Variants in PCSK5 observed in about 807,000 individuals in gnomAD.
PCSK5 encodes proprotein convertase subtilisin/kexin type 5, also known as prohormone convertase 5.
A neutral mutation model predicts 233.2 loss-of-function variants in PCSK5; 129 were observed. The observed-to-expected ratio is 0.55, with a 90% CI of 0.48 to 0.64. The LOEUF (loss-of-function observed/expected upper bound fraction) is 0.64. PCSK5 is among the 30% of genes least tolerant of loss of function. The pLI, the probability that PCSK5 is intolerant of heterozygous loss-of-function variation, is 0.00. For synonymous variants in PCSK5, 825 were observed against 879.2 expected, an observed-to-expected ratio of 0.94 and a Z score of 1.09; for missense variants, 2,076 against 2,430.1, an observed-to-expected ratio of 0.85 and a Z score of 3.06.
At chr9:76,357,312 T>C (rs1418332127) in intron 37 of PCSK5, among the ~76,000 whole-genome samples, 1 of 152,110 alleles carries the variant, frequency 6.6e-6, no homozygotes, top group Admixed American at 6.6e-5. Flanking sequence ...AGGTCAGGAA[T>C]TCAAGACCAG....
rs113886773 is a variant in PCSK5, at chr9:76,234,300, G to T, written c.2866+704G>T. Among the ~76,000 whole-genome samples the T allele has an allele frequency of 5.3e-3, 813 of 152,140 alleles. 4 individuals are homozygous for T. Among genetic ancestry groups the T allele is most frequent in the Middle Eastern group, 0.014 (4 of 294 alleles). ...TTTAATGTCTCTTGAAAATTCAAAA[G>T]ATCTGCCAACACTGGACCTGCATTT... On this transcript the variant is annotated intron_variant, in intron 22 of 37. Coordinates refer to ENST00000674117, the MANE Select transcript of PCSK5 (RefSeq NM_001372043.1).
chr9:76,298,961 A>G lies in PCSK5; in HGVS notation c.3523+2096A>G, dbSNP rs1402116904. Among the ~76,000 whole-genome samples, 3 of 152,354 alleles carry G rather than the reference A, an allele frequency of 2.0e-5. No homozygotes were observed. In the South Asian group the frequency reaches 6.2e-4, roughly 32 times the overall value. On this transcript the variant is annotated intron_variant, in intron 27 of 37. Coordinates refer to ENST00000674117, the MANE Select transcript of PCSK5 (RefSeq NM_001372043.1). The stretch of plus-strand genomic sequence containing the variant: ...CCCATGCTGCTCCCCAGTGGAAACA[A>G]TAAGATCCTGTTTGCGTCTGAAGAC...
chr9:75,949,369 C>G (rs1040219393), intron 2 of PCSK5, among the ~76,000 whole-genome samples: 2 of 151,744 alleles, frequency 1.3e-5, no homozygotes, highest in African/African-American at 4.8e-5. Flanking sequence ...GACCAAAATC[C>G]CAGTATCCCA....
intron 36 of PCSK5, among the ~76,000 whole-genome samples, chr9:76,351,430 CT>C (rs10707488): frequency 0.048 from 4,418 of 92,746 alleles, 349 homozygotes; most frequent in Middle Eastern, 0.076. Context: ...CCGCCCCCCC[CT>C]GCAATGTGAA....
At chr9:76,277,119 A>G (rs1247978599) in intron 24 of PCSK5, among the ~76,000 whole-genome samples, 3 of 152,118 alleles carry the variant, frequency 2.0e-5, no homozygotes, top group African/African-American at 7.2e-5. Flanking sequence ...AGTCCCAGCT[A>G]CTAGGGAGTC....
At chr9:76,033,835 C>T (rs951882217) in intron 5 of PCSK5, among the ~76,000 whole-genome samples, 2 of 152,082 alleles carry the variant, frequency 1.3e-5, no homozygotes, top group Non-Finnish European at 2.9e-5. Context: ...GCACTAATCC[C>T]ATTCACTAGG....
chr9:75,920,770 C>T (rs975465010), intron 1 of PCSK5, among the ~76,000 whole-genome samples: 11 of 151,940 alleles, frequency 7.2e-5, no homozygotes, highest in African/African-American at 2.4e-4. Context: ...TGCACCACTG[C>T]ACTATAGCCT....
At chr9:76,054,162 A>G (rs1051796919) in intron 5 of PCSK5, among the ~76,000 whole-genome samples, 8 of 152,126 alleles carry the variant, frequency 5.3e-5, no homozygotes, top group African/African-American at 9.7e-5. Flanking sequence ...CCATGATTCA[A>G]TTACCTCCCA....
intron 3 of PCSK5, among the ~76,000 whole-genome samples, chr9:75,994,396 C>CTTTTTTTTT (rs1826907729): frequency 1.5e-5 from 1 of 68,336 alleles, no homozygotes; most frequent in African/African-American, 5.4e-5. Context: ...TTCTTTCTTT[C>CTTTTTTTTT]TTTCTTTTTT....
In PCSK5 at chr9:75,894,471, A is replaced by G. The variant is rs372925322; in HGVS notation, c.192+3098A>G. Among the ~76,000 whole-genome samples the G allele has an allele frequency of 2.7e-4, 41 of 152,354 alleles. 1 individual carries two copies. The South Asian group carries it at 7.9e-3, about 29-fold the overall frequency. ...ACGTGCTTGATTTCCAGAAGGGAAC[A>G]TAAATGAAGGTTTTCTTGCCTTTGT... On this transcript the variant is annotated intron_variant, in intron 1 of 37. Transcript: ENST00000674117.
intron 3 of PCSK5, among the ~76,000 whole-genome samples, chr9:76,003,306 G>A (rs1040491411): frequency 1.3e-5 from 2 of 152,180 alleles, no homozygotes; most frequent in African/African-American, 4.8e-5. Context: ...CTGGGAAGTC[G>A]AGGTTTCAGT....
Position 75,903,574 on chromosome 9 carries a change from G to GTGTGTGTA in PCSK5, c.192+12202_192+12203insGTGTGTAT, listed in dbSNP as rs1356262180. ...CATGTGTGTATATATGTGTGTGTGT[G>GTGTGTGTA]TATATATATATATAAAATATATATT... On this transcript the variant is annotated intron_variant, in intron 1 of 37. Coordinates refer to ENST00000674117, the MANE Select transcript of PCSK5 (RefSeq NM_001372043.1). Among the ~76,000 whole-genome samples the GTGTGTGTA allele has an allele frequency of 4.4e-3, 509 of 115,282 alleles. 4 individuals are homozygous for GTGTGTGTA. The highest frequency in any genetic ancestry group is 4.7e-3 in the Non-Finnish European group (247 of 52,222). 75.6% of individuals were successfully genotyped at this position (115,282 alleles called of 152,430 possible). A position where few individuals can be genotyped will look rare whatever the true frequency, so the allele number is the denominator to read the frequency against.
intron 21 of PCSK5, 75 bp from the exon 22 acceptor site, chr9:76,233,385 T>C: frequency 7.0e-7 from 1 of 1,422,452 alleles, no homozygotes; most frequent in South Asian, 1.2e-5. Context: ...CAAACATGAA[T>C]ACCACATGTT....
chr9:76,057,832 C>CTTTTTTT (rs36017305), intron 5 of PCSK5, among the ~76,000 whole-genome samples: 6 of 67,078 alleles, frequency 8.9e-5, no homozygotes, highest in South Asian at 6.8e-4. Context: ...TATTCAGGGG[C>CTTTTTTT]TTTTTTTTTT....
At chr9:76,162,443 C>T (rs1822903243) in intron 12 of PCSK5, among the ~76,000 whole-genome samples, 1 of 152,084 alleles carries the variant, frequency 6.6e-6, no homozygotes, top group Admixed American at 6.5e-5. Context: ...GAGCTGGGAA[C>T]AAGGGCACAG....
intron 31 of PCSK5, among the ~76,000 whole-genome samples, chr9:76,322,138 C>T (rs1807178): frequency 0.35 from 52,551 of 151,850 alleles, 9,508 homozygotes; most frequent in African/African-American, 0.43. Flanking sequence ...TTAGTAGAGA[C>T]GAGGTTTCTC....
At chr9:76,255,063 G>C (rs766757951) in intron 24 of PCSK5, among the ~76,000 whole-genome samples, 4 of 152,110 alleles carry the variant, frequency 2.6e-5, no homozygotes, top group Non-Finnish European at 4.4e-5. Context: ...GAGGTGGGTG[G>C]ATCACTTGAG....
intron 3 of PCSK5, among the ~76,000 whole-genome samples, chr9:76,018,499 T>C (rs975706147): frequency 9.9e-5 from 15 of 151,928 alleles, no homozygotes; most frequent in African/African-American, 3.4e-4. Flanking sequence ...GAACTGCGCA[T>C]GCGAGGGATC....
chr9:76,143,750 AAG>A (rs1449423124), intron 10 of PCSK5, among the ~76,000 whole-genome samples: 11 of 151,494 alleles, frequency 7.3e-5, no homozygotes, highest in Admixed American at 1.3e-4. Flanking sequence ...TTTTAAGAGA[AAG>A]AAGTGCTTTT....
Sources: gnomAD v4.1 joint callset for allele counts (sites outside exome capture counted in the v4.1 genomes callset) on GRCh38, gnomAD v4.1.1 for gene constraint, MANE v1.5 for transcripts, NCBI Gene and HGNC (gene_info 2026-07-23, HGNC 2026-07-21) for gene names.